The following CNBD1 variants were observed in gnomAD, a reference collection of about 807,000 sequenced individuals.
CNBD1 encodes cyclic nucleotide-binding domain-containing protein 1.
A neutral mutation model predicts 54.4 loss-of-function variants in CNBD1; 71 were observed. The ratio of observed to expected loss-of-function variants is 1.30; its 90% CI spans 1.08 to 1.59. The LOEUF (loss-of-function observed/expected upper bound fraction) is 1.59. CNBD1 is among the 40% of genes most tolerant of loss of function. The pLI is 0.00. For missense variants in CNBD1, 659 were observed against 518.0 expected (o/e 1.27, Z -2.64); for synonymous variants, 182 against 170.7 (o/e 1.07, Z -0.51).
chr8:87,174,761 G>C (rs1316032824), intron 4 of CNBD1, among the ~76,000 whole-genome samples: 1 of 152,138 alleles, frequency 6.6e-6, no homozygotes, highest in Non-Finnish European at 1.5e-5. Context: ...TGGGTGTTGT[G>C]ATCTAAGCCA....
At chr8:87,020,882 G>C (rs893330957) in intron 4 of CNBD1, among the ~76,000 whole-genome samples, 3 of 152,098 alleles carry the variant, frequency 2.0e-5, no homozygotes, top group Non-Finnish European at 2.9e-5. Context: ...TATCTCTAAA[G>C]TCTGCTATCC....
chr8:87,350,818 A>G (rs866293127), intron 8 of CNBD1, among the ~76,000 whole-genome samples: 1 of 151,652 alleles, frequency 6.6e-6, no homozygotes, highest in East Asian at 1.9e-4. Context: ...TTTAATTTAT[A>G]TATTGCCAAG....
intron 4 of CNBD1, among the ~76,000 whole-genome samples, chr8:86,963,351 A>T (rs1383158607): frequency 6.6e-6 from 1 of 152,176 alleles, no homozygotes; most frequent in Non-Finnish European, 1.5e-5. Flanking sequence ...GTCAGGAATT[A>T]GTCATGCTCA....
chr8:87,358,111 A>T (rs549316130), intron 10 of CNBD1, among the ~76,000 whole-genome samples: 1 of 152,304 alleles, frequency 6.6e-6, no homozygotes, highest in African/African-American at 2.4e-5. Flanking sequence ...TACTGGTGCC[A>T]TGCTTGTACA....
At chr8:87,388,916 T>A (rs1455756546) in intron 2 of CNBD1, among the ~76,000 whole-genome samples, 1 of 152,192 alleles carries the variant, frequency 6.6e-6, no homozygotes, top group Non-Finnish European at 1.5e-5. Flanking sequence ...TCAAGTGGGC[T>A]TCATCCCTGT....
chr8:87,414,447 C>A (rs1807804096), intron 2 of CNBD1, among the ~76,000 whole-genome samples: 1 of 151,968 alleles, frequency 6.6e-6, no homozygotes, highest in African/African-American at 2.4e-5. Context: ...GGGTGCAGCA[C>A]ACCAACATGG....
chr8:86,909,656 C>T lies in CNBD1; in HGVS notation c.272+4462C>T, dbSNP rs563284629. On this transcript the variant is annotated intron_variant, in intron 3 of 10. Coordinates refer to ENST00000518476, the MANE Select transcript of CNBD1 (RefSeq NM_173538.3). ...ATTTTTACTCAGAATATGTAAACTGCAGCTCAATCTGTTTGCCTTTGAACA... is the reference window on the plus strand; with the variant it reads ...ATTTTTACTCAGAATATGTAAACTGTAGCTCAATCTGTTTGCCTTTGAACA... 4.6e-5 allele frequency among the ~76,000 whole-genome samples: 7 copies of T among 152,228 alleles called. No homozygotes were observed. In the South Asian group the frequency reaches 1.5e-3, roughly 32 times the overall value.
chr8:87,414,656 T>G (rs1308954986), intron 2 of CNBD1, among the ~76,000 whole-genome samples: 1 of 152,086 alleles, frequency 6.6e-6, no homozygotes, highest in Non-Finnish European at 1.5e-5. Flanking sequence ...CTTCTTGTAC[T>G]ATTACCACAA....
chr8:87,311,782 CA>C (rs1160097732), intron 8 of CNBD1, among the ~76,000 whole-genome samples: 13 of 152,002 alleles, frequency 8.6e-5, no homozygotes, highest in Non-Finnish European at 4.4e-5. Flanking sequence ...AGAGCAAAAT[CA>C]TGTCATTTGC....
At chr8:87,088,676 A>C (rs1384844840) in intron 4 of CNBD1, among the ~76,000 whole-genome samples, 1 of 152,136 alleles carries the variant, frequency 6.6e-6, no homozygotes, top group Non-Finnish European at 1.5e-5. Flanking sequence ...GTTTTCTATT[A>C]CTAAAAGGTT....
At chr8:87,358,261 T>A (rs913749478) in intron 10 of CNBD1, among the ~76,000 whole-genome samples, 2 of 152,116 alleles carry the variant, frequency 1.3e-5, no homozygotes, top group Non-Finnish European at 2.9e-5. Context: ...TAACTCAAAA[T>A]GAAAAAAATT....
At chr8:87,344,912 A>G (rs1365447584) in intron 8 of CNBD1, among the ~76,000 whole-genome samples, 2 of 152,178 alleles carry the variant, frequency 1.3e-5, no homozygotes, top group Non-Finnish European at 2.9e-5. Context: ...ATTTAAATGG[A>G]CAGTTACCCT....
chr8:87,073,040 T>C (rs1426885342), intron 4 of CNBD1, among the ~76,000 whole-genome samples: 1 of 151,958 alleles, frequency 6.6e-6, no homozygotes, highest in Non-Finnish European at 1.5e-5. Context: ...TATTCTTGTC[T>C]GTGTGTCCTA....
chr8:87,360,052 ACT>A (rs1174172529), intron 10 of CNBD1, among the ~76,000 whole-genome samples: 1 of 151,948 alleles, frequency 6.6e-6, no homozygotes, highest in Non-Finnish European at 1.5e-5. Flanking sequence ...TATGGGTTAT[ACT>A]CTCTATTTGG....
At chr8:86,907,667 A>C (rs1197325380) in intron 3 of CNBD1, among the ~76,000 whole-genome samples, 1 of 151,186 alleles carries the variant, frequency 6.6e-6, no homozygotes, top group Non-Finnish European at 1.5e-5. Context: ...ACTCTATCTA[A>C]AAAAAAAACA....
intron 4 of CNBD1, among the ~76,000 whole-genome samples, chr8:86,990,137 C>A (rs1014330202): frequency 6.6e-6 from 1 of 151,978 alleles, no homozygotes; most frequent in Non-Finnish European, 1.5e-5. Context: ...TATTTTATTC[C>A]ATTCTGTGGG....
At chr8:86,953,913 G>A (rs939354942) in intron 4 of CNBD1, among the ~76,000 whole-genome samples, 3 of 152,044 alleles carry the variant, frequency 2.0e-5, no homozygotes, top group African/African-American at 7.2e-5. Flanking sequence ...AAATAATCCT[G>A]TTTATCACTC....
chr8:86,896,239 ATTG>A (rs1190469316), intron 2 of CNBD1, among the ~76,000 whole-genome samples: 1 of 152,016 alleles, frequency 6.6e-6, no homozygotes, highest in Non-Finnish European at 1.5e-5. Flanking sequence ...ATTTTTATGT[ATTG>A]TTTTTAAATT....
chr8:87,029,849 A>G (rs1488764707), intron 4 of CNBD1, among the ~76,000 whole-genome samples: 2 of 151,776 alleles, frequency 1.3e-5, no homozygotes, highest in African/African-American at 2.4e-5. Flanking sequence ...TTTGCTTTTA[A>G]TATGTATTTT....
Sources: allele counts gnomAD v4.1 joint callset (sites outside exome capture counted in the v4.1 genomes callset), GRCh38; gene constraint gnomAD v4.1.1; transcripts MANE v1.5; gene names NCBI Gene and HGNC (gene_info 2026-07-23, HGNC 2026-07-21).